The following KHDRBS2 variants were observed in gnomAD, a reference collection of about 807,000 sequenced individuals.
KHDRBS2 encodes the protein KH RNA binding domain containing, signal transduction associated 2, also known as KH domain-containing, RNA-binding, signal transduction-associated protein 2.
KHDRBS2 carries 26 observed loss-of-function variants against 44.3 expected under a neutral mutation model. The ratio of observed to expected loss-of-function variants is 0.59; its 90% CI spans 0.43 to 0.81. KHDRBS2 has a LOEUF of 0.81. Ranked by LOEUF, KHDRBS2 falls within the 40% of genes least tolerant of loss-of-function variation. KHDRBS2 has a pLI of 0.00. For missense variants in KHDRBS2, 476 were observed against 433.1 expected (o/e 1.10, Z -0.88); for synonymous variants, 194 against 151.1 (o/e 1.28, Z -2.08).
At chr6:62,002,726 A>C (rs918060936) in intron 3 of KHDRBS2, among the ~76,000 whole-genome samples, 8 of 151,358 alleles carry the variant, frequency 5.3e-5, no homozygotes, top group African/African-American at 1.9e-4. Context: ...CATCTATTGC[A>C]TGTTCTTTTT....
intron 4 of KHDRBS2, among the ~76,000 whole-genome samples, chr6:61,918,993 G>A (rs1807532580): frequency 6.6e-6 from 1 of 151,884 alleles, no homozygotes; most frequent in African/African-American, 2.4e-5. Flanking sequence ...TCTACAACCT[G>A]TTTTTTAAAT....
chr6:61,626,002 T>A, the KHDRBS2 span, among the ~76,000 whole-genome samples: 59 of 152,332 alleles, frequency 3.9e-4, no homozygotes, highest in African/African-American at 1.2e-3. Context: ...TAATTTGAAA[T>A]AACAGACATG....
intron 1 of KHDRBS2, among the ~76,000 whole-genome samples, chr6:62,195,329 A>C (rs1397298916): frequency 6.6e-6 from 1 of 152,152 alleles, no homozygotes; most frequent in East Asian, 1.9e-4. Context: ...GCACCAAAGG[A>C]TTTTCTACAT....
At chr6:62,043,951 AT>A (rs1434481440) in intron 3 of KHDRBS2, among the ~76,000 whole-genome samples, 1 of 152,064 alleles carries the variant, frequency 6.6e-6, no homozygotes, top group African/African-American at 2.4e-5. Flanking sequence ...TTTTAAAAAA[AT>A]GTTACACTGG....
At chr6:61,615,233 C>CAAAAAAAAAAAAAAAAAAAAAAAAAA in the KHDRBS2 span, among the ~76,000 whole-genome samples, 12 of 58,568 alleles carry the variant, frequency 2.0e-4, no homozygotes, top group African/African-American at 2.6e-4. Context: ...ACTCCATCTC[C>CAAAAAAAAAAAAAAAAAAAAAAAAAA]AAAAAAAAAA....
At chr6:61,766,999 T>G (rs1780110048) in intron 6 of KHDRBS2, among the ~76,000 whole-genome samples, 5 of 152,084 alleles carry the variant, frequency 3.3e-5, no homozygotes, top group Admixed American at 2.6e-4. Context: ...TTAAGTCCAT[T>G]GTTTCTTTAC....
At chr6:61,843,407 A>G (rs1469183478) in intron 6 of KHDRBS2, among the ~76,000 whole-genome samples, 1 of 150,944 alleles carries the variant, frequency 6.6e-6, no homozygotes, top group Non-Finnish European at 1.5e-5. Flanking sequence ...CTCACCCAGT[A>G]GAGTGCAGTG....
intron 6 of KHDRBS2, among the ~76,000 whole-genome samples, chr6:61,826,677 T>G (rs1208019695): frequency 1.3e-5 from 2 of 152,134 alleles, no homozygotes; most frequent in Non-Finnish European, 2.9e-5. Flanking sequence ...CTTTTTGGCC[T>G]CTAAAGAAAC....
At chr6:62,021,974 A>C (rs1226570002) in intron 3 of KHDRBS2, among the ~76,000 whole-genome samples, 1 of 149,486 alleles carries the variant, frequency 6.7e-6, no homozygotes, top group African/African-American at 2.4e-5. Context: ...ACATATATAC[A>C]CACACTATAT....
At chr6:62,058,575 T>C (rs1790856459) in intron 2 of KHDRBS2, among the ~76,000 whole-genome samples, 1 of 151,876 alleles carries the variant, frequency 6.6e-6, no homozygotes, top group African/African-American at 2.4e-5. Flanking sequence ...TAGACACAGA[T>C]CAAAAATATT....
At chr6:61,648,576 C>T in the KHDRBS2 span, among the ~76,000 whole-genome samples, 2 of 152,024 alleles carry the variant, frequency 1.3e-5, 1 homozygote, top group South Asian at 4.1e-4. Flanking sequence ...CGTTCTGCCT[C>T]CAAGGACAGC....
chr6:62,103,653 C>A (rs1216696895), intron 2 of KHDRBS2, among the ~76,000 whole-genome samples: 2 of 151,524 alleles, frequency 1.3e-5, no homozygotes, highest in African/African-American at 2.4e-5. Flanking sequence ...AATGGGGCTC[C>A]CTCTGGAATC....
At chr6:61,758,051 C>T (rs1437933261) in intron 6 of KHDRBS2, among the ~76,000 whole-genome samples, 3 of 152,138 alleles carry the variant, frequency 2.0e-5, no homozygotes, top group Non-Finnish European at 2.9e-5. Context: ...AGTACTCTTA[C>T]AATTTTTAGC....
chr6:62,108,417 G>C (rs1804068313), intron 2 of KHDRBS2, among the ~76,000 whole-genome samples: 1 of 152,190 alleles, frequency 6.6e-6, no homozygotes, highest in Admixed American at 6.5e-5. Flanking sequence ...ACACCAGTTA[G>C]AATGGCGATC....
intron 6 of KHDRBS2, among the ~76,000 whole-genome samples, chr6:61,862,394 G>T (rs1246712664): frequency 7.9e-5 from 12 of 152,096 alleles, no homozygotes; most frequent in African/African-American, 2.7e-4. Flanking sequence ...CTTGTCTTGT[G>T]CAGGTTTTCA....
chr6:62,181,449 G>T (rs1427897445), intron 1 of KHDRBS2, among the ~76,000 whole-genome samples: 1 of 151,822 alleles, frequency 6.6e-6, no homozygotes, highest in Non-Finnish European at 1.5e-5. Context: ...AGAGATGCTG[G>T]ACATCACTAA....
At chr6:62,195,255 T>C (rs796345628) in intron 1 of KHDRBS2, among the ~76,000 whole-genome samples, 31 of 152,336 alleles carry the variant, frequency 2.0e-4, no homozygotes, top group African/African-American at 7.2e-4. Context: ...CAATTTATTT[T>C]TGTATGCGTT....
chr6:62,039,455 A>G (rs1481117027), intron 3 of KHDRBS2, among the ~76,000 whole-genome samples: 1 of 151,892 alleles, frequency 6.6e-6, no homozygotes. Context: ...GGTACTAAAT[A>G]TATATTAATA....
chr6:62,020,550 G>A lies in KHDRBS2; in HGVS notation c.336+27328C>T, dbSNP rs187959885. On this transcript the variant is annotated intron_variant, in intron 3 of 8. Transcript: ENST00000281156. The stretch of plus-strand genomic sequence containing the variant: ...ATTTACTGATGGAGGGCATTTCTCA[G>A]CTATAACTGTGGATATGTCTATTTA... 6.0e-5 allele frequency among the ~76,000 whole-genome samples: 9 copies of A among 150,586 alleles called. No individual in the cohort carries two copies. In the East Asian group the frequency reaches 1.8e-3, roughly 29 times the overall value.
Sources: allele counts gnomAD v4.1 joint callset (sites outside exome capture counted in the v4.1 genomes callset), GRCh38; gene constraint gnomAD v4.1.1; transcripts MANE v1.5; gene names NCBI Gene and HGNC (gene_info 2026-07-23, HGNC 2026-07-21).